Variants in ANKRD42 observed in about 807,000 individuals in gnomAD.
ANKRD42 encodes ankyrin repeat domain-containing protein 42.
Under a neutral mutation model 51.5 loss-of-function variants are expected in ANKRD42, and 43 were observed. That is an observed-to-expected ratio of 0.83 (90% CI 0.65 to 1.08). ANKRD42 has a LOEUF of 1.08. Ranked by LOEUF, ANKRD42 falls within the 50% of genes least tolerant of loss-of-function variation. The probability of loss-of-function intolerance (pLI) is 0.00; values close to 1 mark genes in which losing one functional copy is unlikely to be tolerated. For synonymous variants in ANKRD42, 203 were observed against 213.0 expected (o/e 0.95, Z 0.41); for missense variants, 608 against 629.3 (o/e 0.97, Z 0.36).
At chr11:83,218,353 G>T (rs914175300) in intron 5 of ANKRD42, among the ~76,000 whole-genome samples, 3 of 152,054 alleles carry the variant, frequency 2.0e-5, no homozygotes, top group African/African-American at 7.2e-5. Context: ...TTCCTCCAGG[G>T]TCATTCGATC....
chr11:83,226,647 A>T (rs1316423451), intron 6 of ANKRD42, among the ~76,000 whole-genome samples: 1 of 152,190 alleles, frequency 6.6e-6, no homozygotes, highest in African/African-American at 2.4e-5. Flanking sequence ...GTAAGACAGA[A>T]TACAATAAAG....
intron 6 of ANKRD42, among the ~76,000 whole-genome samples, chr11:83,225,290 G>A (rs1862843297): frequency 6.6e-6 from 1 of 152,132 alleles, no homozygotes; most frequent in South Asian, 2.1e-4. Flanking sequence ...GTAGAGGTTG[G>A]TTGCAGTGGC....
In ANKRD42 at chr11:83,194,343, A is replaced by G; in HGVS notation, c.-328A>G. The G allele has an allele frequency of 1.8e-6, 1 of 560,174 alleles. No homozygotes were observed. Among genetic ancestry groups the G allele is most frequent in the Non-Finnish European group, 3.4e-6 (1 of 294,736 alleles). 34.7% of individuals were successfully genotyped at this position (560,174 alleles called of 1,614,324 possible). On this transcript the variant is annotated 5_prime_UTR_variant, in exon 1 of 11. Coordinates refer to ENST00000533342, the MANE Select transcript of ANKRD42 (RefSeq NM_001300975.2). ...GCCGCTTCAGTGGCTCCTGGGAGGG[A>G]GGGAGTGTCGAAGGCGGCCACAGCG...
Position 83,236,489 on chromosome 11 carries a change from A to G in ANKRD42, c.999A>G (p.Arg333=), listed in dbSNP as rs774268334. 6.2e-7 allele frequency: 1 copy of G among 1,610,872 alleles called. No individual in the cohort carries two copies. Among genetic ancestry groups the G allele is most frequent in the Non-Finnish European group, 8.5e-7 (1 of 1,178,712 alleles). Residue 333 remains arginine, a synonymous_variant, in exon 8 of 11, where the codon AGA becomes AGG. Coordinates refer to ENST00000533342, the MANE Select transcript of ANKRD42 (RefSeq NM_001300975.2). ...ATATTACCAACAAAGCAGGGGAGAG[A>G]CCCAGTGATGTGGCAAAGAGGTATA... ...DSNITNKAGE[R]PSDVAKRFAH...
At chr11:83,246,725 A>G (rs1251165548) in intron 10 of ANKRD42, among the ~76,000 whole-genome samples, 1 of 152,076 alleles carries the variant, frequency 6.6e-6, no homozygotes, top group Non-Finnish European at 1.5e-5. Flanking sequence ...CTGTTTCCAA[A>G]TCTAGTTCTG....
At chr11:83,202,962 G>C (rs1414786823) in intron 2 of ANKRD42, among the ~76,000 whole-genome samples, 1 of 150,496 alleles carries the variant, frequency 6.6e-6, no homozygotes, top group Non-Finnish European at 1.5e-5. Flanking sequence ...ACAGTGCCTA[G>C]CAGATGTTCA....
At chr11:83,214,209 A>T (rs1862440098) in intron 5 of ANKRD42, 1 of 164,474 alleles carries the variant, frequency 6.1e-6, no homozygotes, top group Admixed American at 6.5e-5. Flanking sequence ...ATTTTAACGT[A>T]GTCCATTTTA....
In ANKRD42 at chr11:83,193,819, G is replaced by A. The variant is rs1462732882; in HGVS notation, c.-852G>A. 2.0e-5 allele frequency: 9 copies of A among 455,322 alleles called. No individual in the cohort carries two copies. The highest frequency in any genetic ancestry group is 6.2e-5 in the South Asian group (4 of 64,490). The allele number at this position is 455,322 out of a possible 1,614,324, so 28.2% of individuals were successfully genotyped here. A position where few individuals can be genotyped will look rare whatever the true frequency, so the allele number is the denominator to read the frequency against. ...ACCAGCGGAAGGCGGCCGCCGCTAC[G>A]GCGATTCGCAGGGAGTAGCAGACGA... On this transcript the variant is annotated 5_prime_UTR_variant, in exon 1 of 11. Coordinates refer to ENST00000533342, the MANE Select transcript of ANKRD42 (RefSeq NM_001300975.2).
chr11:83,242,024 C>T (rs1331310732), intron 9 of ANKRD42, among the ~76,000 whole-genome samples: 1 of 152,150 alleles, frequency 6.6e-6, no homozygotes, highest in Non-Finnish European at 1.5e-5. Context: ...ATTTCCTGGG[C>T]TCCTAGAGTT....
downstream of ANKRD42, chr11:83,260,996 T>A (rs1327557152): frequency 6.6e-6 from 1 of 152,182 alleles, no homozygotes; most frequent in East Asian, 1.9e-4. Flanking sequence ...GGTTTTTGAG[T>A]ATCAAATATT....
At chr11:83,219,676 A>G (rs1457246523) in intron 5 of ANKRD42, among the ~76,000 whole-genome samples, 2 of 152,240 alleles carry the variant, frequency 1.3e-5, no homozygotes, top group Admixed American at 6.5e-5. Flanking sequence ...CAACAATTCA[A>G]TGGCTTTAAG....
Position 83,248,786 on chromosome 11 carries a change from C to T in ANKRD42, c.*582C>T. On this transcript the variant is annotated 3_prime_UTR_variant, in exon 11 of 11. Transcript: ENST00000533342. ...TAGATGTTCCTTCTGACACTAAGTT[C>T]CACTCTCCAGAGGAAGCTATTGTTA... 1 of 976,830 alleles carries T rather than the reference C, an allele frequency of 1.0e-6. No homozygotes were observed. Among genetic ancestry groups the T allele is most frequent in the Non-Finnish European group, 1.2e-6 (1 of 822,170 alleles). The allele number at this position is 976,830 out of a possible 1,614,324, so 60.5% of individuals were successfully genotyped here. A position where few individuals can be genotyped will look rare whatever the true frequency, so the allele number is the denominator to read the frequency against.
intron 3 of ANKRD42, chr11:83,210,018 T>A (rs1351058732): frequency 8.4e-6 from 3 of 356,876 alleles, no homozygotes; most frequent in Non-Finnish European, 1.5e-5. Flanking sequence ...AACTTGAGAA[T>A]TTATGTTTCA....
chr11:83,243,355 A>G (rs188383653), intron 9 of ANKRD42, among the ~76,000 whole-genome samples: 175 of 152,310 alleles, frequency 1.1e-3, no homozygotes, highest in Middle Eastern at 3.4e-3. Flanking sequence ...GACACTGCAT[A>G]AATACGTGAT....
rs191977561 is a variant in ANKRD42, at chr11:83,232,629, T to G, written c.914-3775T>G. Among the ~76,000 whole-genome samples the G allele has an allele frequency of 4.5e-3, 683 of 152,320 alleles. 3 individuals are homozygous for G. The highest frequency in any genetic ancestry group is 8.0e-3 in the Non-Finnish European group (545 of 68,012). ...GCTCTAGCTGGGACTTCTAGTACTG[T>G]GTTGAATAATAGAGATGAAAGTGGG... On this transcript the variant is annotated intron_variant, in intron 7 of 10. Coordinates refer to ENST00000533342, the MANE Select transcript of ANKRD42 (RefSeq NM_001300975.2).
chr11:83,248,924 T>C lies in ANKRD42; in HGVS notation c.*720T>C, dbSNP rs755929245. ...TCCTCAGTTTCTCTGGGTTTTGGTG[T>C]CTCACCAGTGGTTGATTTTCCAAGA... On this transcript the variant is annotated 3_prime_UTR_variant, in exon 11 of 11. Transcript: ENST00000533342. The C allele has an allele frequency of 1.1e-5, 11 of 982,728 alleles. No homozygotes were observed. Among genetic ancestry groups the C allele is most frequent in the Non-Finnish European group, 1.2e-5 (10 of 827,460 alleles). 60.9% of individuals were successfully genotyped at this position (982,728 alleles called of 1,614,324 possible).
downstream of ANKRD42, chr11:83,249,057 A>G (rs1863627811): frequency 1.1e-6 from 1 of 898,690 alleles, no homozygotes; most frequent in African/African-American, 1.8e-5. Flanking sequence ...CCAGCTGTAC[A>G]GTCATGTGTT....
intron 7 of ANKRD42, 116 bp downstream of exon 7, chr11:83,227,988 C>T: frequency 8.4e-7 from 1 of 1,196,144 alleles, no homozygotes; most frequent in Non-Finnish European, 1.1e-6. Flanking sequence ...GATACCCTAG[C>T]AGATATCAGT....
At chr11:83,230,113 G>A (rs1263444481) in intron 7 of ANKRD42, among the ~76,000 whole-genome samples, 3 of 152,084 alleles carry the variant, frequency 2.0e-5, no homozygotes, top group African/African-American at 7.2e-5. Flanking sequence ...ATGCAATGGG[G>A]CGATCACGAC....
Sources: gnomAD v4.1 joint callset for allele counts (sites outside exome capture counted in the v4.1 genomes callset) on GRCh38, gnomAD v4.1.1 for gene constraint, MANE v1.5 for transcripts, NCBI Gene and HGNC (gene_info 2026-07-23, HGNC 2026-07-21) for gene names.